FAF1: variants seen among roughly 807,000 people sequenced by gnomAD.
FAF1 encodes FAS-associated factor 1.
FAF1 carries 25 observed loss-of-function variants against 92.5 expected under a neutral mutation model. The ratio of observed to expected loss-of-function variants is 0.27; its 90% CI spans 0.20 to 0.38. The LOEUF is 0.38. FAF1 is among the 10% of genes least tolerant of loss of function. FAF1 has a pLI of 1.00. For missense variants in FAF1, 636 were observed against 793.3 expected (o/e 0.80, Z 2.38); for synonymous variants, 234 against 273.2 (o/e 0.86, Z 1.42).
At chr1:50,506,409 C>T (rs1647058891) in intron 15 of FAF1, among the ~76,000 whole-genome samples, 1 of 152,128 alleles carries the variant, frequency 6.6e-6, no homozygotes, top group African/African-American at 2.4e-5. Context: ...CTGCCTTTGT[C>T]CATCCTTTAT....
intron 1 of FAF1, among the ~76,000 whole-genome samples, chr1:50,895,201 G>A (rs1644749324): frequency 6.6e-6 from 1 of 151,946 alleles, no homozygotes; most frequent in South Asian, 2.1e-4. Flanking sequence ...CTATACCACA[G>A]AAATTCAAAG....
intron 1 of FAF1, among the ~76,000 whole-genome samples, chr1:50,918,298 T>C (rs1380709852): frequency 5.7e-5 from 7 of 122,716 alleles, no homozygotes; most frequent in South Asian, 6.3e-4. Flanking sequence ...CCCACTAACG[T>C]GTCATCTAGC....
At chr1:50,894,592 C>A (rs1179583712) in intron 1 of FAF1, among the ~76,000 whole-genome samples, 1 of 151,650 alleles carries the variant, frequency 6.6e-6, no homozygotes, top group Non-Finnish European at 1.5e-5. Flanking sequence ...ATAAATCATT[C>A]TGAAGGGCAG....
chr1:50,599,971 G>A (rs1007340512), intron 8 of FAF1, among the ~76,000 whole-genome samples: 9 of 152,090 alleles, frequency 5.9e-5, no homozygotes, highest in African/African-American at 2.2e-4. Context: ...GCTCCAATGA[G>A]CATTTCCTTT....
intron 2 of FAF1, among the ~76,000 whole-genome samples, chr1:50,857,518 G>A (rs1213483609): frequency 6.6e-6 from 1 of 151,642 alleles, no homozygotes; most frequent in Non-Finnish European, 1.5e-5. Context: ...AGTTTCTAAG[G>A]AAAACCATAG....
At chr1:50,797,999 A>C (rs772295663) in intron 3 of FAF1, among the ~76,000 whole-genome samples, 1 of 152,020 alleles carries the variant, frequency 6.6e-6, no homozygotes, top group Non-Finnish European at 1.5e-5. Flanking sequence ...AAAACTAAAC[A>C]GGAACTCTGC....
rs763581450 is a variant in FAF1 at position 50,795,366 on chromosome 1, G to A, written c.161+6265C>T. 7.9e-5 allele frequency among the ~76,000 whole-genome samples: 12 copies of A among 152,164 alleles called. No homozygotes were observed. In the South Asian group the frequency reaches 2.1e-3, roughly 26 times the overall value. On this transcript the variant is annotated intron_variant, in intron 3 of 18. Coordinates refer to ENST00000396153, the MANE Select transcript of FAF1 (RefSeq NM_007051.3). Reference sequence around the variant, plus strand: ...CAGGACCACCATTCATGGACTTTGCGAATACCATATTGATGGCTTCCCACA... The same window carrying A: ...CAGGACCACCATTCATGGACTTTGCAAATACCATATTGATGGCTTCCCACA...
chr1:50,776,815 T>C (rs1660980813), intron 4 of FAF1, among the ~76,000 whole-genome samples: 1 of 152,154 alleles, frequency 6.6e-6, no homozygotes, highest in Non-Finnish European at 1.5e-5. Flanking sequence ...CTTTCAGTGG[T>C]TCCCAACTAA....
chr1:50,700,684 T>C (rs1228186459), intron 7 of FAF1, among the ~76,000 whole-genome samples: 1 of 152,158 alleles, frequency 6.6e-6, no homozygotes, highest in Non-Finnish European at 1.5e-5. Flanking sequence ...TCACAGATGA[T>C]GAAATGTGGT....
chr1:50,647,603 A>C (rs1654653578), intron 8 of FAF1, among the ~76,000 whole-genome samples: 1 of 152,228 alleles, frequency 6.6e-6, no homozygotes, highest in South Asian at 2.1e-4. Flanking sequence ...TAAAACAATA[A>C]ATAAAACACA....
At chr1:50,761,401 A>G (rs1000291022) in intron 4 of FAF1, among the ~76,000 whole-genome samples, 1 of 152,188 alleles carries the variant, frequency 6.6e-6, no homozygotes, top group African/African-American at 2.4e-5. Flanking sequence ...AGAATTTTAG[A>G]CCAATATCCT....
chr1:50,692,241 CTGTGTGTGTGTGTGTGTGTGTGTGTGTG>C (rs59187392), intron 7 of FAF1, among the ~76,000 whole-genome samples: 2 of 129,082 alleles, frequency 1.5e-5, no homozygotes, highest in East Asian at 2.5e-4. Context: ...GAAGTATTTA[CTGTGTGTGTGTGTGTGTGTGTGTGTGTG>C]TGTGTGTGTG....
chr1:50,841,974 A>G (rs1644259873), intron 2 of FAF1, among the ~76,000 whole-genome samples: 1 of 152,094 alleles, frequency 6.6e-6, no homozygotes, highest in South Asian at 2.1e-4. Context: ...CTGGATCATT[A>G]CATTTCCAAA....
At chr1:50,610,485 A>G (rs1038628636) in intron 8 of FAF1, among the ~76,000 whole-genome samples, 3 of 152,222 alleles carry the variant, frequency 2.0e-5, no homozygotes, top group African/African-American at 4.8e-5. Flanking sequence ...TTTATATTTC[A>G]CGTTAATTGT....
chr1:50,446,662 C>G (rs1254659923), intron 18 of FAF1, among the ~76,000 whole-genome samples: 1 of 152,178 alleles, frequency 6.6e-6, no homozygotes, highest in Non-Finnish European at 1.5e-5. Context: ...CAAACATTAA[C>G]TCACAATCAT....
intron 13 of FAF1, among the ~76,000 whole-genome samples, chr1:50,559,138 C>T (rs1050776758): frequency 6.6e-6 from 1 of 151,852 alleles, no homozygotes; most frequent in African/African-American, 2.4e-5. Flanking sequence ...GTAGCCCCAG[C>T]TACTTGGGAG....
In FAF1 at chr1:50,827,076, G is replaced by A. The variant is rs566117616; in HGVS notation, c.115-25399C>T. ...TGCCCAGCCACCCCGTCTGGGAGGT[G>A]AGGAGCGCCTCTGCCCGGCCACCCC... is the stretch of plus-strand genomic sequence containing the variant. On this transcript the variant is annotated intron_variant, in intron 2 of 18. Transcript: ENST00000396153. Among the ~76,000 whole-genome samples the A allele has an allele frequency of 2.0e-4, 30 of 152,222 alleles. 1 individual carries two copies. The South Asian group carries it at 4.6e-3, about 23-fold the overall frequency.
At chr1:50,687,986 T>G (rs1441678569) in intron 7 of FAF1, among the ~76,000 whole-genome samples, 1 of 150,092 alleles carries the variant, frequency 6.7e-6, no homozygotes, top group Non-Finnish European at 1.5e-5. Context: ...ATACAAAAAA[T>G]TAGCTGGGCG....
At chr1:50,784,595 A>T (rs1661297178) in intron 4 of FAF1, among the ~76,000 whole-genome samples, 1 of 152,230 alleles carries the variant, frequency 6.6e-6, no homozygotes, top group Non-Finnish European at 1.5e-5. Context: ...TAACATTGTT[A>T]AAATGTCCAT....
Sources: gnomAD v4.1 joint callset for allele counts (sites outside exome capture counted in the v4.1 genomes callset) on GRCh38, gnomAD v4.1.1 for gene constraint, MANE v1.5 for transcripts, NCBI Gene and HGNC (gene_info 2026-07-23, HGNC 2026-07-21) for gene names.